SDC2: variants seen among roughly 807,000 people sequenced by gnomAD.
SDC2 encodes syndecan-2.
In SDC2, 13 loss-of-function variants were observed where a neutral mutation model predicts 22.2. That is an observed-to-expected ratio of 0.59 (90% CI 0.38 to 0.93). The LOEUF is 0.93. SDC2 is among the 40% of genes least tolerant of loss of function. SDC2 has a pLI of 0.00. For missense variants in SDC2, 235 were observed against 246.8 expected, an observed-to-expected ratio of 0.95 and a Z score of 0.32; for synonymous variants, 94 against 92.8, an observed-to-expected ratio of 1.01 and a Z score of -0.07.
intron 3 of SDC2, among the ~76,000 whole-genome samples, chr8:96,603,880 C>T (rs1288380080): frequency 6.6e-6 from 1 of 152,178 alleles, no homozygotes; most frequent in African/African-American, 2.4e-5. Flanking sequence ...CTGAGACCGA[C>T]TCACCTGGCA....
At chr8:96,604,657 G>A (rs1008028983) in intron 3 of SDC2, among the ~76,000 whole-genome samples, 2 of 152,086 alleles carry the variant, frequency 1.3e-5, no homozygotes, top group Non-Finnish European at 2.9e-5. Context: ...TATCTAGTTT[G>A]TTGTAAATTT....
intron 1 of SDC2, among the ~76,000 whole-genome samples, chr8:96,524,725 T>C (rs968243576): frequency 6.6e-5 from 10 of 152,178 alleles, no homozygotes; most frequent in African/African-American, 1.2e-4. Flanking sequence ...TTAGAAATCA[T>C]TCCTCCTCCT....
chr8:96,591,407 G>A (rs1202783155), intron 1 of SDC2, among the ~76,000 whole-genome samples: 1 of 152,152 alleles, frequency 6.6e-6, no homozygotes, highest in Admixed American at 6.5e-5. Flanking sequence ...TGGAGGTCTT[G>A]TGACATGTAA....
chr8:96,560,099 C>A (rs1212713518), intron 1 of SDC2, among the ~76,000 whole-genome samples: 2 of 152,132 alleles, frequency 1.3e-5, no homozygotes, highest in African/African-American at 4.8e-5. Flanking sequence ...TTCATCACCT[C>A]CCTGAAAAAC....
intron 3 of SDC2, 117 bp downstream of exon 3, chr8:96,602,645 G>C: frequency 8.8e-7 from 1 of 1,133,026 alleles, no homozygotes; most frequent in Non-Finnish European, 1.3e-6. Flanking sequence ...TACCCATCAT[G>C]AACTATGTAC....
intron 1 of SDC2, 135 bp from the exon 2 acceptor site, chr8:96,593,345 G>A (rs1481315197): frequency 3.3e-6 from 2 of 612,688 alleles, no homozygotes; most frequent in Non-Finnish European, 5.8e-6. Flanking sequence ...GAGGAAGACT[G>A]TGGCCAGAGA....
chr8:96,550,615 C>A (rs559433745), intron 1 of SDC2, among the ~76,000 whole-genome samples: 1 of 152,240 alleles, frequency 6.6e-6, no homozygotes, highest in South Asian at 2.1e-4. Context: ...AGCTGGTTCC[C>A]GCTCAACACA....
chr8:96,604,182 T>A (rs1171619775), intron 3 of SDC2, among the ~76,000 whole-genome samples: 1 of 152,200 alleles, frequency 6.6e-6, no homozygotes, highest in African/African-American at 2.4e-5. Flanking sequence ...GATAGAGAGT[T>A]CTATCCTAAG....
At position 96,533,726 on chromosome 8, in the gene SDC2, A is replaced by T. The variant is rs1354440155; in HGVS notation, c.60+39395A>T. Among the ~76,000 whole-genome samples the T allele has an allele frequency of 5.9e-5, 9 of 152,340 alleles. No individual in the cohort carries two copies. In the East Asian group the frequency reaches 1.4e-3, roughly 23 times the overall value. ...CTGATTGGTGTATCTGCAATCCCTT[A>T]GCTAGACATAAAGGTTCTCCAAGTC... On this transcript the variant is annotated intron_variant, in intron 1 of 4. Coordinates refer to ENST00000302190, the MANE Select transcript of SDC2 (RefSeq NM_002998.4).
At chr8:96,583,388 A>ATATATATTATATAT (rs1158695656) in intron 1 of SDC2, among the ~76,000 whole-genome samples, 5 of 54,664 alleles carry the variant, frequency 9.1e-5, no homozygotes, top group East Asian at 3.2e-4. Flanking sequence ...AATATATATG[A>ATATATATTATATAT]CATATGTGTG....
chr8:96,522,516 C>T (rs538132822), intron 1 of SDC2, among the ~76,000 whole-genome samples: 1 of 152,268 alleles, frequency 6.6e-6, no homozygotes, highest in East Asian at 1.9e-4. Context: ...TCCTTTCCTC[C>T]ATTTTGTCCC....
rs560131001 is a variant in SDC2 at position 96,494,809 on chromosome 8, A to C, written c.60+478A>C. Among the ~76,000 whole-genome samples, 22 of 152,306 alleles carry C rather than the reference A, an allele frequency of 1.4e-4. No homozygotes were observed. In the South Asian group the frequency reaches 2.3e-3, roughly 16 times the overall value. Reference sequence around the variant, plus strand: ...CGCGCCAGCTTTCCTGTTTGACTGCATGCAAGTTCTGGGGAGATGGGGGCC... The same window carrying C: ...CGCGCCAGCTTTCCTGTTTGACTGCCTGCAAGTTCTGGGGAGATGGGGGCC... On this transcript the variant is annotated intron_variant, in intron 1 of 4. Coordinates refer to ENST00000302190, the MANE Select transcript of SDC2 (RefSeq NM_002998.4).
At chr8:96,520,647 A>AT (rs1000201641) in intron 1 of SDC2, among the ~76,000 whole-genome samples, 6 of 152,206 alleles carry the variant, frequency 3.9e-5, no homozygotes, top group Admixed American at 2.6e-4. Flanking sequence ...CCACAAGAAG[A>AT]TGTTGTTTGC....
intron 3 of SDC2, among the ~76,000 whole-genome samples, chr8:96,605,006 G>T (rs1288500312): frequency 6.6e-6 from 1 of 152,178 alleles, no homozygotes; most frequent in Non-Finnish European, 1.5e-5. Flanking sequence ...CTGCAGGGCG[G>T]CTCCAGTTCT....
intron 1 of SDC2, among the ~76,000 whole-genome samples, chr8:96,580,097 G>A (rs990423261): frequency 4.6e-5 from 7 of 152,156 alleles, no homozygotes; most frequent in Non-Finnish European, 1.0e-4. Flanking sequence ...GCTCTAAATG[G>A]GTTACCATGG....
intron 1 of SDC2, among the ~76,000 whole-genome samples, chr8:96,527,236 TG>T (rs112731877): frequency 0.14 from 21,154 of 152,110 alleles, 1,612 homozygotes; most frequent in Middle Eastern, 0.21. Context: ...ATTTCTGCCT[TG>T]GGACTGTTTG....
chr8:96,585,853 G>GTT lies in SDC2; in HGVS notation c.61-7603_61-7602dup, dbSNP rs199970598. 3.5e-3 allele frequency among the ~76,000 whole-genome samples: 501 copies of GTT among 145,078 alleles called. 2 individuals carry two copies. Among genetic ancestry groups the GTT allele is most frequent in the African/African-American group, 0.012 (460 of 38,882 alleles). On this transcript the variant is annotated intron_variant, in intron 1 of 4. Transcript: ENST00000302190. Reference sequence around the variant, plus strand: ...GTGCCAAGTAATCCTCTGGCAAGAGGTTTTTTTTTTTTTTTTTTTTTTTTT... The same window carrying GTT: ...GTGCCAAGTAATCCTCTGGCAAGAGGTTTTTTTTTTTTTTTTTTTTTTTTTTT...
At chr8:96,504,756 T>C (rs2582814) in intron 1 of SDC2, among the ~76,000 whole-genome samples, 30,377 of 152,234 alleles carry the variant, frequency 0.2, 3,731 homozygotes, top group East Asian at 0.53. Context: ...ATGGGACATA[T>C]ATTTTCACAA....
At chr8:96,518,433 C>T (rs939716835) in intron 1 of SDC2, among the ~76,000 whole-genome samples, 9 of 150,908 alleles carry the variant, frequency 6.0e-5, no homozygotes, top group Non-Finnish European at 1.0e-4. Flanking sequence ...CGATCTCGGC[C>T]CACTGCAAGC....
Sources: allele counts gnomAD v4.1 joint callset (sites outside exome capture counted in the v4.1 genomes callset), GRCh38; gene constraint gnomAD v4.1.1; transcripts MANE v1.5; gene names NCBI Gene and HGNC (gene_info 2026-07-23, HGNC 2026-07-21).